Variants in STAC observed in about 807,000 individuals in gnomAD.
STAC encodes SH3 and cysteine-rich domain-containing protein.
In STAC, 43 loss-of-function variants were observed where a neutral mutation model predicts 48.8. The ratio of observed to expected loss-of-function variants is 0.88; its 90% CI spans 0.69 to 1.14. The LOEUF (loss-of-function observed/expected upper bound fraction) is 1.14, where lower values mean the gene tolerates loss of function less well. STAC is among the 50% of genes most tolerant of loss of function. STAC has a pLI of 0.00. For synonymous variants in STAC, 193 were observed against 179.5 expected (o/e 1.07, Z -0.60); for missense variants, 497 against 504.0 (o/e 0.99, Z 0.13).
intron 1 of STAC, among the ~76,000 whole-genome samples, chr3:36,383,123 G>A (rs1356903378): frequency 6.6e-6 from 1 of 152,152 alleles, no homozygotes; most frequent in East Asian, 1.9e-4. Flanking sequence ...CCATCCAGAA[G>A]CATCTACTAA....
rs200339727 is a variant in STAC at position 36,390,125 on chromosome 3, G to A, written c.111+9371G>A. 2.1e-4 allele frequency among the ~76,000 whole-genome samples: 32 copies of A among 152,234 alleles called. 1 individual carries two copies. The East Asian group carries it at 6.2e-3, about 29-fold the overall frequency. On this transcript the variant is annotated intron_variant, in intron 1 of 10. Transcript: ENST00000273183. ...ACATGTAGTATTGTACAGTATTGGT[G>A]CTGACAGGTGGCCTTAGCTCTCCTG...
intron 10 of STAC, among the ~76,000 whole-genome samples, chr3:36,529,803 T>C (rs922735122): frequency 2.0e-5 from 3 of 151,976 alleles, no homozygotes; most frequent in African/African-American, 4.8e-5. Context: ...ATGTCCTGTG[T>C]CCTCACTACA....
At chr3:36,451,102 T>C (rs897783666) in intron 2 of STAC, among the ~76,000 whole-genome samples, 1 of 152,236 alleles carries the variant, frequency 6.6e-6, no homozygotes, top group Non-Finnish European at 1.5e-5. Flanking sequence ...ATGATTTACA[T>C]GCTTTCTAGC....
intron 1 of STAC, among the ~76,000 whole-genome samples, chr3:36,410,277 TGTTAA>T (rs1207690835): frequency 2.6e-5 from 4 of 152,060 alleles, no homozygotes; most frequent in African/African-American, 9.7e-5. Context: ...AGTGCACGAG[TGTTAA>T]GTTATGTGTT....
intron 10 of STAC, among the ~76,000 whole-genome samples, chr3:36,544,715 T>C (rs1157931205): frequency 6.6e-6 from 1 of 152,160 alleles, no homozygotes; most frequent in Non-Finnish European, 1.5e-5. Flanking sequence ...AAGTTGTAGG[T>C]CTCAGCTTTT....
chr3:36,410,642 T>G (rs1350012474), intron 1 of STAC, among the ~76,000 whole-genome samples: 1 of 152,212 alleles, frequency 6.6e-6, no homozygotes, highest in African/African-American at 2.4e-5. Context: ...TCCGTTCTTT[T>G]TGCTGTCTAT....
At chr3:36,529,143 G>A (rs1699007990) in intron 10 of STAC, 158 bp downstream of exon 10, 11 of 766,028 alleles carry the variant, frequency 1.4e-5, no homozygotes, top group Non-Finnish European at 2.0e-5. Context: ...TGTTGTAGGA[G>A]CTAAACATGC....
intron 6 of STAC, 106 bp from the exon 7 acceptor site, chr3:36,504,287 A>G: frequency 9.5e-7 from 1 of 1,051,636 alleles, no homozygotes. Context: ...AATAAGTAGT[A>G]AAGTAGAAGC....
chr3:36,401,609 G>A (rs1344732859), intron 1 of STAC, among the ~76,000 whole-genome samples: 3 of 152,134 alleles, frequency 2.0e-5, no homozygotes, highest in African/African-American at 7.2e-5. Context: ...CTGGGAACCT[G>A]CTTCCTCCCT....
At chr3:36,545,925 C>G (rs934156300) in intron 10 of STAC, among the ~76,000 whole-genome samples, 1 of 152,218 alleles carries the variant, frequency 6.6e-6, no homozygotes, top group Admixed American at 6.5e-5. Context: ...GGTCACAGTA[C>G]TATTAATCCT....
chr3:36,531,382 C>T (rs975498930), intron 10 of STAC, among the ~76,000 whole-genome samples: 3 of 152,084 alleles, frequency 2.0e-5, no homozygotes, highest in Admixed American at 6.5e-5. Flanking sequence ...TAATGGACAA[C>T]GTTAGGACCC....
rs1467035334 is a variant in STAC, at chr3:36,477,976, A to G, written c.389-5016A>G. Among the ~76,000 whole-genome samples the G allele has an allele frequency of 3.3e-5, 5 of 152,212 alleles. No homozygotes were observed. In the East Asian group the frequency reaches 9.6e-4, roughly 29 times the overall value. ...TGAGAATAGTTTAAAGGCAGATAGT[A>G]CTGAAAGTTCTACAACAGAAACTGT... On this transcript the variant is annotated intron_variant, in intron 2 of 10. Coordinates refer to ENST00000273183, the MANE Select transcript of STAC (RefSeq NM_003149.3).
intron 1 of STAC, among the ~76,000 whole-genome samples, chr3:36,418,125 T>G (rs1303388674): frequency 6.6e-6 from 1 of 152,152 alleles, no homozygotes; most frequent in Admixed American, 6.5e-5. Flanking sequence ...AGTTCTTTGA[T>G]TTATCTATTT....
chr3:36,490,779 A>G (rs1294476826), intron 5 of STAC, among the ~76,000 whole-genome samples: 1 of 152,216 alleles, frequency 6.6e-6, no homozygotes, highest in Non-Finnish European at 1.5e-5. Flanking sequence ...CAGAGGGACA[A>G]TTGGGGATGT....
chr3:36,409,141 C>T (rs1204008413), intron 1 of STAC, among the ~76,000 whole-genome samples: 1 of 152,142 alleles, frequency 6.6e-6, no homozygotes, highest in Non-Finnish European at 1.5e-5. Context: ...TCCTGAACAG[C>T]ATCTAGAAGT....
At chr3:36,501,931 C>A (rs73827549) in intron 6 of STAC, among the ~76,000 whole-genome samples, 179 of 152,216 alleles carry the variant, frequency 1.2e-3, no homozygotes, top group African/African-American at 4.2e-3. Context: ...AGTAAGAACC[C>A]ATAAAGTATT....
chr3:36,512,016 C>G (rs556598766), intron 8 of STAC, among the ~76,000 whole-genome samples: 41 of 152,252 alleles, frequency 2.7e-4, no homozygotes, highest in Admixed American at 2.6e-3. Flanking sequence ...CTGAGGTCAG[C>G]TTTGTTTCAG....
chr3:36,508,824 T>C (rs919584770), intron 8 of STAC, among the ~76,000 whole-genome samples: 5 of 152,222 alleles, frequency 3.3e-5, no homozygotes, highest in African/African-American at 1.2e-4. Context: ...GCACATGAGA[T>C]GGGTCTCCTG....
At chr3:36,483,526 G>A (rs1422329216) in intron 3 of STAC, among the ~76,000 whole-genome samples, 5 of 152,164 alleles carry the variant, frequency 3.3e-5, no homozygotes, top group African/African-American at 1.2e-4. Flanking sequence ...CCCCACAAAA[G>A]AGGAGAGAGT....
Sources: allele counts gnomAD v4.1 joint callset (sites outside exome capture counted in the v4.1 genomes callset), GRCh38; gene constraint gnomAD v4.1.1; transcripts MANE v1.5; gene names NCBI Gene and HGNC (gene_info 2026-07-23, HGNC 2026-07-21).